Variants in IL18R1 observed in about 807,000 individuals in gnomAD.
IL18R1 encodes the protein interleukin-18 receptor 1.
IL18R1 carries 40 observed loss-of-function variants against 48.5 expected under a neutral mutation model. The ratio of observed to expected loss-of-function variants is 0.82; its 90% CI spans 0.64 to 1.07. The LOEUF is 1.07. Ranked by LOEUF, IL18R1 falls within the 50% of genes least tolerant of loss-of-function variation. IL18R1 has a pLI of 0.00. For missense variants in IL18R1, 596 were observed against 633.7 expected (o/e 0.94, Z 0.64); for synonymous variants, 232 against 225.9 (o/e 1.03, Z -0.24).
Position 102,355,893 on chromosome 2 carries a change from C to T in IL18R1, c.-536C>T, listed in dbSNP as rs892556309. The T allele has an allele frequency of 6.6e-6, 1 of 152,226 alleles. No homozygotes were observed. The highest frequency in any genetic ancestry group is 1.5e-5 in the Non-Finnish European group (1 of 68,078). The allele number at this position is 152,226 out of a possible 1,614,324, so 9.4% of individuals were successfully genotyped here. On this transcript the variant is annotated 5_prime_UTR_variant, in exon 1 of 11. Coordinates refer to ENST00000233957, the MANE Select transcript of IL18R1 (RefSeq NM_003855.5). ...AGGCGCTGGGTTTTCCAGCAGCAAC[C>T]TTTGGACCCCGCGATCCAGTAGCTC... is the stretch of plus-strand genomic sequence containing the variant.
chr2:102,361,999 C>G (rs3755276), intron 1 of IL18R1, among the ~76,000 whole-genome samples: 1 of 151,926 alleles, frequency 6.6e-6, no homozygotes, highest in South Asian at 2.1e-4. Flanking sequence ...CACAGACACA[C>G]GCGAACACAT....
intron 5 of IL18R1, among the ~76,000 whole-genome samples, chr2:102,376,906 C>T (rs1283007286): frequency 6.6e-6 from 1 of 152,018 alleles, no homozygotes; most frequent in Admixed American, 6.5e-5. Context: ...TCTTTTTTTT[C>T]CATTGAGTCC....
chr2:102,391,453 T>G (rs1390129711), intron 9 of IL18R1, among the ~76,000 whole-genome samples: 1 of 152,250 alleles, frequency 6.6e-6, no homozygotes, highest in Non-Finnish European at 1.5e-5. Flanking sequence ...CACAGTATTT[T>G]ATTTGTGCAG....
chr2:102,390,761 G>C (rs183912047), intron 9 of IL18R1, among the ~76,000 whole-genome samples: 1 of 151,682 alleles, frequency 6.6e-6, no homozygotes, highest in African/African-American at 2.4e-5. Flanking sequence ...GTGAAACCCT[G>C]TCTCTACTAA....
At chr2:102,385,815 C>T (rs1025739650) in intron 7 of IL18R1, among the ~76,000 whole-genome samples, 3 of 152,204 alleles carry the variant, frequency 2.0e-5, no homozygotes, top group African/African-American at 7.2e-5. Flanking sequence ...ATCTCATCCT[C>T]AGCCACTGGC....
chr2:102,387,005 G>A lies in IL18R1; in HGVS notation c.949+5G>A, dbSNP rs1204065094. Reference sequence around the variant, plus strand: ...GCTTCATCTTGGTGAGAAAAGGTGAGAAAGATTTATTTTTGGAAGTTTTGA... The same window carrying A: ...GCTTCATCTTGGTGAGAAAAGGTGAAAAAGATTTATTTTTGGAAGTTTTGA... On this transcript the variant is annotated splice_donor_5th_base_variant and intron_variant, in intron 8 of 10. Transcript: ENST00000233957. The A allele has an allele frequency of 6.2e-7, 1 of 1,608,684 alleles. No homozygotes were observed. Among genetic ancestry groups the A allele is most frequent in the Non-Finnish European group, 8.5e-7 (1 of 1,178,716 alleles).
intron 10 of IL18R1, among the ~76,000 whole-genome samples, chr2:102,395,182 T>C (rs1310042601): frequency 7.1e-6 from 1 of 141,638 alleles, no homozygotes; most frequent in Non-Finnish European, 1.5e-5. Flanking sequence ...AAATTCAATG[T>C]TTTTTTTATT....
intron 9 of IL18R1, among the ~76,000 whole-genome samples, chr2:102,392,509 C>G (rs66919607): frequency 0.24 from 36,092 of 152,028 alleles, 4,752 homozygotes; most frequent in East Asian, 0.41. Flanking sequence ...GAGACATGCT[C>G]TAAATCACTT....
intron 8 of IL18R1, among the ~76,000 whole-genome samples, chr2:102,387,229 T>G (rs1359778682): frequency 1.3e-5 from 2 of 152,170 alleles, no homozygotes; most frequent in Non-Finnish European, 2.9e-5. Context: ...CCATCCCATG[T>G]GGAAATCGGG....
chr2:102,385,330 G>T (rs1259170347), intron 7 of IL18R1, among the ~76,000 whole-genome samples: 1 of 152,108 alleles, frequency 6.6e-6, no homozygotes, highest in African/African-American at 2.4e-5. Context: ...CAGTTGCCTA[G>T]GCCAAGCTTT....
At chr2:102,375,188 C>T (rs1409297370) in intron 4 of IL18R1, among the ~76,000 whole-genome samples, 2 of 152,138 alleles carry the variant, frequency 1.3e-5, no homozygotes, top group Non-Finnish European at 2.9e-5. Flanking sequence ...TCAAGGATGG[C>T]CATTCAGCCC....
intron 1 of IL18R1, among the ~76,000 whole-genome samples, chr2:102,358,854 C>A (rs755251996): frequency 1.2e-4 from 18 of 152,178 alleles, no homozygotes; most frequent in Non-Finnish European, 2.6e-4. Flanking sequence ...ATCAGATGAT[C>A]ACCTAGATTC....
intron 6 of IL18R1, among the ~76,000 whole-genome samples, chr2:102,382,518 T>G (rs1328453688): frequency 6.6e-6 from 1 of 152,174 alleles, no homozygotes; most frequent in Non-Finnish European, 1.5e-5. Flanking sequence ...ATGCTAAATA[T>G]GCTAAGCCAG....
intron 10 of IL18R1, among the ~76,000 whole-genome samples, chr2:102,396,132 G>T (rs1208338289): frequency 6.6e-6 from 1 of 152,020 alleles, no homozygotes; most frequent in Non-Finnish European, 1.5e-5. Context: ...TTAGAAAAAT[G>T]TATTCCACTT....
chr2:102,381,272 G>A (rs796642648), intron 5 of IL18R1, among the ~76,000 whole-genome samples: 26 of 152,330 alleles, frequency 1.7e-4, no homozygotes, highest in African/African-American at 5.5e-4. Flanking sequence ...CAGCTGAGGA[G>A]GACAGATGGA....
chr2:102,365,517 C>A (rs1430966579), intron 2 of IL18R1, among the ~76,000 whole-genome samples: 2 of 152,100 alleles, frequency 1.3e-5, no homozygotes, highest in East Asian at 3.9e-4. Flanking sequence ...AGTTTCTGGG[C>A]TTTTTCAAGT....
chr2:102,371,621 A>T (rs1159885515), intron 3 of IL18R1, among the ~76,000 whole-genome samples: 1 of 152,216 alleles, frequency 6.6e-6, no homozygotes, highest in East Asian at 1.9e-4. Flanking sequence ...CTTATCCATC[A>T]GTGAAGATCA....
At chr2:102,381,980 A>G (rs1015457027) in intron 6 of IL18R1, among the ~76,000 whole-genome samples, 1 of 152,144 alleles carries the variant, frequency 6.6e-6, no homozygotes, top group Non-Finnish European at 1.5e-5. Flanking sequence ...ATTTCTAAAT[A>G]TGAAAATTTA....
Position 102,396,764 on chromosome 2 carries a change from G to A in IL18R1, c.1504G>A (p.Ala502Thr), listed in dbSNP as rs780575590. ...LKSHRVLKWK[A>T]DKSLSYNSRF... ...ATCTCACAGAGTTCTGAAGTGGAAG[G>A]CCGATAAATCTCTTTCTTATAACTC... Residue 502 changes from alanine (A) to threonine (T), a missense_variant, in exon 11 of 11, where the codon GCC becomes ACC. Transcript: ENST00000233957. 7 of 1,613,922 alleles carry A rather than the reference G, an allele frequency of 4.3e-6. No homozygotes were observed. The highest frequency in any genetic ancestry group is 3.3e-5 in the Admixed American group (2 of 60,008).
Sources: gnomAD v4.1 joint callset for allele counts (sites outside exome capture counted in the v4.1 genomes callset) on GRCh38, gnomAD v4.1.1 for gene constraint, MANE v1.5 for transcripts, NCBI Gene and HGNC (gene_info 2026-07-23, HGNC 2026-07-21) for gene names.